LNPEP: variants seen among roughly 807,000 people sequenced by gnomAD.
LNPEP encodes leucyl and cystinyl aminopeptidase, also known as leucyl-cystinyl aminopeptidase.
In LNPEP, 64 loss-of-function variants were observed where a neutral mutation model predicts 120.6. The observed-to-expected ratio is 0.53, with a 90% CI of 0.43 to 0.65. The LOEUF (loss-of-function observed/expected upper bound fraction) is 0.65. Ranked by LOEUF, LNPEP falls within the 30% of genes least tolerant of loss-of-function variation. LNPEP has a pLI of 0.00. For synonymous variants in LNPEP, 435 were observed against 425.4 expected (o/e 1.02, Z -0.28); for missense variants, 1,057 against 1,200.0 (o/e 0.88, Z 1.76).
chr5:96,941,032 A>C (rs1424969814), intron 1 of LNPEP, among the ~76,000 whole-genome samples: 1 of 152,216 alleles, frequency 6.6e-6, no homozygotes, highest in African/African-American at 2.4e-5. Flanking sequence ...ATAATTATAC[A>C]ACTCACCATA....
rs1791484587 is a variant in LNPEP at position 97,032,280 on chromosome 5, T to TTA, written c.*3757_*3758dup. On this transcript the variant is annotated 3_prime_UTR_variant, in exon 18 of 18. Transcript: ENST00000231368. ...CCCATTTGTATTTTTAAAAACTAAG[T>TTA]TATATATATATTTGCTTGTTTTTGC... The TTA allele has an allele frequency of 6.6e-6, 1 of 152,180 alleles. No individual in the cohort carries two copies. The highest frequency in any genetic ancestry group is 1.5e-5 in the Non-Finnish European group (1 of 68,030). The allele number at this position is 152,180 out of a possible 1,614,324, so 9.4% of individuals were successfully genotyped here.
chr5:96,968,599 A>G (rs537557755), intron 1 of LNPEP, among the ~76,000 whole-genome samples: 29 of 152,156 alleles, frequency 1.9e-4, no homozygotes, highest in African/African-American at 6.5e-4. Context: ...TCTTTTAGGG[A>G]GAGTAGGAAA....
At chr5:97,001,521 G>A (rs1389003913) in intron 8 of LNPEP, among the ~76,000 whole-genome samples, 1 of 152,136 alleles carries the variant, frequency 6.6e-6, no homozygotes, top group African/African-American at 2.4e-5. Context: ...AATTCAAGGG[G>A]GAAGAAGTCT....
At chr5:97,012,866 A>C (rs530905696) in intron 11 of LNPEP, among the ~76,000 whole-genome samples, 5 of 152,114 alleles carry the variant, frequency 3.3e-5, no homozygotes, top group African/African-American at 1.2e-4. Flanking sequence ...GTTTTAACCC[A>C]ATTATTTCTT....
intron 6 of LNPEP, 48 bp downstream of exon 6, chr5:96,994,019 T>G: frequency 6.7e-7 from 1 of 1,495,738 alleles, no homozygotes; most frequent in Non-Finnish European, 9.1e-7. Flanking sequence ...GTCTACTTCA[T>G]GTCCTGGAGT....
At chr5:97,010,299 G>A in intron 11 of LNPEP, 1 of 971,764 alleles carries the variant, frequency 1.0e-6, no homozygotes, top group Non-Finnish European at 1.2e-6. Flanking sequence ...GTTTCCAAAT[G>A]GATATCACTA....
At chr5:96,954,772 A>ATATATTT (rs1275200137) in intron 1 of LNPEP, among the ~76,000 whole-genome samples, 2 of 27,108 alleles carry the variant, frequency 7.4e-5, no homozygotes, top group African/African-American at 1.5e-4. Context: ...ATATATATAT[A>ATATATTT]TTTTTTTTTT....
chr5:97,025,970 A>T (rs1338758490), intron 15 of LNPEP, among the ~76,000 whole-genome samples: 4 of 152,154 alleles, frequency 2.6e-5, no homozygotes, highest in African/African-American at 9.7e-5. Context: ...TTCTCACTAT[A>T]AACAGATAGT....
At chr5:96,969,191 A>C (rs922626378) in intron 1 of LNPEP, among the ~76,000 whole-genome samples, 10 of 152,106 alleles carry the variant, frequency 6.6e-5, no homozygotes, top group Admixed American at 1.3e-4. Flanking sequence ...TTTTTAAGAA[A>C]GAAATACAGA....
At chr5:96,959,410 G>T (rs1789546013) in intron 1 of LNPEP, among the ~76,000 whole-genome samples, 1 of 152,102 alleles carries the variant, frequency 6.6e-6, no homozygotes, top group Admixed American at 6.6e-5. Context: ...AACTACCTCT[G>T]TATTTTGTTG....
rs746462070 is a variant in LNPEP at position 96,936,132 on chromosome 5, G to A, written c.-24G>A. 4 of 1,513,678 alleles carry A rather than the reference G, an allele frequency of 2.6e-6. No individual in the cohort carries two copies. The South Asian group carries it at 4.9e-5, about 18-fold the overall frequency. 93.8% of individuals were successfully genotyped at this position (1,513,678 alleles called of 1,614,324 possible). On this transcript the variant is annotated 5_prime_UTR_variant, in exon 1 of 18. Coordinates refer to ENST00000231368, the MANE Select transcript of LNPEP (RefSeq NM_005575.3). ...AGTAGGAAGCTCGGGCGCTCCGGCT[G>A]TAAGGAGCCGCGGCGGGGGGAAAAT...
chr5:96,961,473 G>C (rs908784957), intron 1 of LNPEP, among the ~76,000 whole-genome samples: 59 of 152,108 alleles, frequency 3.9e-4, no homozygotes, highest in African/African-American at 1.4e-3. Context: ...TTTTATAAAT[G>C]TAATAGGATT....
intron 1 of LNPEP, among the ~76,000 whole-genome samples, chr5:96,963,558 G>A (rs1789656113): frequency 1.3e-5 from 2 of 152,174 alleles, no homozygotes; most frequent in South Asian, 4.2e-4. Flanking sequence ...TTCTCATGGG[G>A]CTCTCCAGTA....
Position 97,030,795 on chromosome 5 carries a change from A to C in LNPEP, c.*2262A>C, listed in dbSNP as rs571287280. On this transcript the variant is annotated 3_prime_UTR_variant, in exon 18 of 18. Transcript: ENST00000231368. ...ATTCCCATAATACCAGATCCATAAT[A>C]GTTGTAGTTTTTTTGATGTTGTTGC... 6.6e-6 allele frequency: 1 copy of C among 152,042 alleles called. No individual in the cohort carries two copies. The highest frequency in any genetic ancestry group is 6.6e-5 in the Admixed American group (1 of 15,256). The allele number at this position is 152,042 out of a possible 1,614,324, so 9.4% of individuals were successfully genotyped here.
chr5:97,008,213 A>G (rs1790832086), intron 11 of LNPEP, among the ~76,000 whole-genome samples: 1 of 152,028 alleles, frequency 6.6e-6, no homozygotes, highest in South Asian at 2.1e-4. Context: ...TAATAAGGAA[A>G]TTTTGCAAAC....
At chr5:96,958,699 T>C in intron 1 of LNPEP, 1 of 164,902 alleles carries the variant, frequency 6.1e-6, no homozygotes, top group Non-Finnish European at 1.3e-5. Context: ...ATCCATTTCC[T>C]GCACTTTTTT....
chr5:97,022,160 C>G (rs965195749), intron 13 of LNPEP, 140 bp from the exon 14 acceptor site: 3 of 588,962 alleles, frequency 5.1e-6, no homozygotes, highest in Non-Finnish European at 9.0e-6. Context: ...AACTCCTGAC[C>G]TCAGGTGATC....
intron 2 of LNPEP, among the ~76,000 whole-genome samples, chr5:96,981,080 A>G (rs1057355396): frequency 1.3e-5 from 2 of 152,208 alleles, no homozygotes; most frequent in Non-Finnish European, 2.9e-5. Context: ...TATAATGCCT[A>G]TTATCCCCAG....
chr5:97,013,949 T>C, intron 12 of LNPEP, 118 bp downstream of exon 12: 3 of 655,206 alleles, frequency 4.6e-6, no homozygotes, highest in Non-Finnish European at 4.9e-6. Flanking sequence ...CAATACATTT[T>C]GGAGGATTGG....
Sources: allele counts gnomAD v4.1 joint callset (sites outside exome capture counted in the v4.1 genomes callset), GRCh38; gene constraint gnomAD v4.1.1; transcripts MANE v1.5; gene names NCBI Gene and HGNC (gene_info 2026-07-23, HGNC 2026-07-21).